The following PTPRD variants were observed in gnomAD, a reference collection of about 807,000 sequenced individuals.
The protein encoded by PTPRD is protein tyrosine phosphatase receptor type D.
Under a neutral mutation model 214.5 loss-of-function variants are expected in PTPRD, and 34 were observed. That is an observed-to-expected ratio of 0.16 (90% confidence interval 0.12 to 0.21). The LOEUF is 0.21. Ranked by LOEUF, PTPRD falls within the 10% of genes least tolerant of loss-of-function variation. PTPRD has a pLI of 1.00. For synonymous variants in PTPRD, 1,128 were observed against 845.7 expected, an observed-to-expected ratio of 1.33 and a Z score of -5.79; for missense variants, 2,545 against 2,398.7, an observed-to-expected ratio of 1.06 and a Z score of -1.27.
intron 2 of PTPRD, among the ~76,000 whole-genome samples, chr9:10,382,046 T>C (rs908243487): frequency 6.6e-6 from 1 of 151,928 alleles, no homozygotes; most frequent in African/African-American, 2.4e-5. Flanking sequence ...TTCTTATTCT[T>C]CAAATCCAGT....
At chr9:10,120,149 C>T (rs2098763422) in intron 3 of PTPRD, among the ~76,000 whole-genome samples, 1 of 152,016 alleles carries the variant, frequency 6.6e-6, no homozygotes, top group South Asian at 2.1e-4. Flanking sequence ...TTTTACACTT[C>T]ATAATAACAA....
At chr9:8,977,196 T>A (rs1182058195) in intron 11 of PTPRD, among the ~76,000 whole-genome samples, 1 of 152,122 alleles carries the variant, frequency 6.6e-6, no homozygotes, top group Non-Finnish European at 1.5e-5. Flanking sequence ...TCTATTAGTC[T>A]CTGCTGGTTT....
chr9:9,284,545 T>C (rs1175319604), intron 9 of PTPRD, among the ~76,000 whole-genome samples: 4 of 151,758 alleles, frequency 2.6e-5, no homozygotes, highest in African/African-American at 4.8e-5. Flanking sequence ...GTCCATTCCA[T>C]GAACATCTTG....
At chr9:10,141,248 C>A (rs1485306823) in intron 3 of PTPRD, among the ~76,000 whole-genome samples, 6 of 151,888 alleles carry the variant, frequency 4.0e-5, no homozygotes, top group Admixed American at 6.6e-5. Flanking sequence ...AATTTTTGGC[C>A]AGGGCAATTA....
chr9:8,980,006 G>A (rs62529150), intron 11 of PTPRD, among the ~76,000 whole-genome samples: 1 of 151,886 alleles, frequency 6.6e-6, no homozygotes, highest in Non-Finnish European at 1.5e-5. Context: ...TGTGGTGTGT[G>A]TACACACACA....
At chr9:8,437,088 A>G (rs1411892473) in intron 34 of PTPRD, 2 of 746,322 alleles carry the variant, frequency 2.7e-6, no homozygotes, top group African/African-American at 1.8e-5. Context: ...GTGGAATTAA[A>G]TGGTGTAAAG....
intron 2 of PTPRD, among the ~76,000 whole-genome samples, chr9:10,516,767 G>T (rs1347680850): frequency 6.6e-6 from 1 of 151,578 alleles, no homozygotes; most frequent in Non-Finnish European, 1.5e-5. Context: ...TAAGATAAGG[G>T]TCCAATTTTA....
chr9:9,275,091 G>GTT (rs1215126186), intron 9 of PTPRD, among the ~76,000 whole-genome samples: 1 of 53,176 alleles, frequency 1.9e-5, no homozygotes, highest in Non-Finnish European at 3.6e-5. Flanking sequence ...TAATATATAT[G>GTT]TTATATATAT....
chr9:9,495,322 A>G (rs1323419827), intron 8 of PTPRD, among the ~76,000 whole-genome samples: 1 of 151,612 alleles, frequency 6.6e-6, no homozygotes. Flanking sequence ...AAAAAAAAAA[A>G]AAAGCAACAA....
At chr9:9,408,636 G>A (rs59773189) in intron 8 of PTPRD, among the ~76,000 whole-genome samples, 1 of 151,834 alleles carries the variant, frequency 6.6e-6, no homozygotes, top group Non-Finnish European at 1.5e-5. Context: ...ATTACATTAA[G>A]AGGCATTATA....
chr9:8,373,165 G>T (rs963529252), intron 39 of PTPRD, among the ~76,000 whole-genome samples: 3 of 151,948 alleles, frequency 2.0e-5, no homozygotes, highest in African/African-American at 7.2e-5. Flanking sequence ...TTTCTGGGAT[G>T]CTACACGGAT....
chr9:8,899,993 T>G (rs758818113), intron 11 of PTPRD, among the ~76,000 whole-genome samples: 5 of 152,236 alleles, frequency 3.3e-5, no homozygotes, highest in Non-Finnish European at 5.9e-5. Context: ...ATCTTCTTTT[T>G]GAGATCATTT....
chr9:9,320,649 A>G (rs1332523509), intron 9 of PTPRD, among the ~76,000 whole-genome samples: 3 of 152,108 alleles, frequency 2.0e-5, no homozygotes, highest in Non-Finnish European at 4.4e-5. Context: ...AGACCTTTCT[A>G]GTGACCAATG....
intron 3 of PTPRD, among the ~76,000 whole-genome samples, chr9:10,183,677 G>C (rs1347496796): frequency 6.6e-6 from 1 of 152,092 alleles, no homozygotes; most frequent in Non-Finnish European, 1.5e-5. Context: ...AAAGAGGAGA[G>C]ATGAAAAATG....
At chr9:10,373,076 G>A (rs924416696) in intron 2 of PTPRD, among the ~76,000 whole-genome samples, 2 of 150,040 alleles carry the variant, frequency 1.3e-5, no homozygotes, top group South Asian at 2.1e-4. Context: ...CAAGTGATCC[G>A]CCAGCCTTGG....
intron 14 of PTPRD, among the ~76,000 whole-genome samples, chr9:8,571,714 T>C (rs577610407): frequency 5.3e-5 from 8 of 152,238 alleles, no homozygotes; most frequent in African/African-American, 1.7e-4. Context: ...TTCCATTTGT[T>C]CATTTTAAGG....
At chr9:9,411,116 A>T (rs979003458) in intron 8 of PTPRD, among the ~76,000 whole-genome samples, 1 of 152,122 alleles carries the variant, frequency 6.6e-6, no homozygotes, top group African/African-American at 2.4e-5. Flanking sequence ...AGTGAACCAC[A>T]AGGTGGGTTT....
intron 7 of PTPRD, among the ~76,000 whole-genome samples, chr9:9,628,256 G>A (rs948290532): frequency 9.2e-5 from 14 of 152,040 alleles, no homozygotes; most frequent in African/African-American, 2.2e-4. Context: ...TAACTCCTGC[G>A]TCCATGGCCC....
At chr9:10,327,910 T>C (rs1244176726) in intron 3 of PTPRD, among the ~76,000 whole-genome samples, 1 of 151,748 alleles carries the variant, frequency 6.6e-6, no homozygotes, top group African/African-American at 2.4e-5. Flanking sequence ...AGAACAAGAT[T>C]TGGGTCCTTG....
Sources: allele counts gnomAD v4.1 joint callset (sites outside exome capture counted in the v4.1 genomes callset), GRCh38; gene constraint gnomAD v4.1.1; transcripts MANE v1.5; gene names NCBI Gene and HGNC (gene_info 2026-07-23, HGNC 2026-07-21).